Variants in ZNF248 observed in about 807,000 individuals in gnomAD.
ZNF248 encodes zinc finger protein 248.
ZNF248 carries 20 observed loss-of-function variants against 44.3 expected under a neutral mutation model. The ratio of observed to expected loss-of-function variants is 0.45; its 90% confidence interval spans 0.32 to 0.66. The LOEUF (loss-of-function observed/expected upper bound fraction) is 0.66, where lower values mean the gene tolerates loss of function less well. Among genes scored for constraint, ZNF248 ranks in the 30% least tolerant of loss-of-function variants. The pLI, the probability that ZNF248 is intolerant of heterozygous loss-of-function variation, is 0.04. For missense variants in ZNF248, 654 were observed against 677.0 expected, an observed-to-expected ratio of 0.97 and a Z score of 0.38; for synonymous variants, 224 against 229.0, an observed-to-expected ratio of 0.98 and a Z score of 0.20.
chr10:37,824,354 C>T (rs1259013745), downstream of ZNF248, among the ~76,000 whole-genome samples: 1 of 152,094 alleles, frequency 6.6e-6, no homozygotes, highest in South Asian at 2.1e-4. Context: ...TCATCCAATA[C>T]CCCCTCACAG....
chr10:37,805,387 G>C (rs982313730), intron 6 of ZNF248, among the ~76,000 whole-genome samples: 1 of 152,158 alleles, frequency 6.6e-6, no homozygotes, highest in African/African-American at 2.4e-5. Flanking sequence ...ATTTCAGATA[G>C]AGCAGAATTT....
intron 6 of ZNF248, among the ~76,000 whole-genome samples, chr10:37,790,667 A>G (rs1000821157): frequency 3.3e-5 from 5 of 151,888 alleles, no homozygotes; most frequent in Non-Finnish European, 7.4e-5. Flanking sequence ...CCGAGATGGC[A>G]TCACTGCACT....
rs1405992059 is a variant in ZNF248 at position 37,830,608 on chromosome 10, A to T, written c.*1007T>A. The T allele has an allele frequency of 1.0e-6, 1 of 985,110 alleles. No homozygotes were observed. The highest frequency in any genetic ancestry group is 1.7e-5 in the African/African-American group (1 of 57,238). 61.0% of individuals were successfully genotyped at this position (985,110 alleles called of 1,614,324 possible). A position where few individuals can be genotyped will look rare whatever the true frequency, so the allele number is the denominator to read the frequency against. On this transcript the variant is annotated 3_prime_UTR_variant, in exon 6 of 6. Transcript: ENST00000395867. ...TATTGCCAAATACGTTTTCATATAT[A>T]CACAGTGATGTGCTGTAAATATTTG... is the stretch of plus-strand genomic sequence containing the variant.
intron 6 of ZNF248, among the ~76,000 whole-genome samples, chr10:37,807,572 A>G (rs1201573475): frequency 6.6e-6 from 1 of 152,222 alleles, no homozygotes; most frequent in Non-Finnish European, 1.5e-5. Context: ...GAATGGATTT[A>G]CACATCTCCA....
At chr10:37,820,722 T>A in intron 6 of ZNF248, 4 of 1,327,976 alleles carry the variant, frequency 3.0e-6, no homozygotes, top group Non-Finnish European at 4.3e-6. Flanking sequence ...AAGGATCCCA[T>A]GCTGCACAAG....
At chr10:37,783,097 T>G (rs961428269) in intron 6 of ZNF248, among the ~76,000 whole-genome samples, 5 of 152,158 alleles carry the variant, frequency 3.3e-5, no homozygotes, top group African/African-American at 1.2e-4. Context: ...ATGGCACAAT[T>G]CCTATCTATG....
downstream of ZNF248, among the ~76,000 whole-genome samples, chr10:37,827,460 C>T (rs948596457): frequency 6.6e-6 from 1 of 152,148 alleles, no homozygotes; most frequent in Non-Finnish European, 1.5e-5. Context: ...TCTCACCTAC[C>T]AAAGTATCTG....
At chr10:37,770,982 A>C in the ZNF248 span, among the ~76,000 whole-genome samples, 1 of 152,248 alleles carries the variant, frequency 6.6e-6, no homozygotes. Context: ...AACACTTTTC[A>C]AAAGAAGACA....
At chr10:37,855,118 G>C (rs942534953) in intron 3 of ZNF248, among the ~76,000 whole-genome samples, 2 of 152,158 alleles carry the variant, frequency 1.3e-5, no homozygotes, top group Middle Eastern at 3.4e-3. Context: ...CTTTAAACTG[G>C]ATAAAGAAAC....
At chr10:37,853,006 T>C (rs1052184759) in intron 3 of ZNF248, among the ~76,000 whole-genome samples, 6 of 151,328 alleles carry the variant, frequency 4.0e-5, no homozygotes, top group East Asian at 2.0e-4. Flanking sequence ...GGACTACAGA[T>C]GTGCGCCACC....
At chr10:37,838,133 A>C (rs2057604573) in intron 3 of ZNF248, 22 bp from the exon 4 acceptor site, 2 of 1,601,118 alleles carry the variant, frequency 1.2e-6, no homozygotes, top group East Asian at 4.5e-5. Flanking sequence ...TACTCTTTTT[A>C]CATGAAATGG....
chr10:37,800,023 C>T (rs2049610316), intron 6 of ZNF248, among the ~76,000 whole-genome samples: 1 of 151,536 alleles, frequency 6.6e-6, no homozygotes. Flanking sequence ...ACCTGGGCAA[C>T]ATAATGAGAC....
downstream of ZNF248, chr10:37,828,699 C>G: frequency 1.0e-6 from 1 of 985,342 alleles, no homozygotes; most frequent in Non-Finnish European, 1.2e-6. Flanking sequence ...AGTCATAACA[C>G]ATATTTAAGT....
At chr10:37,853,380 T>G (rs2060663958) in intron 3 of ZNF248, among the ~76,000 whole-genome samples, 1 of 151,934 alleles carries the variant, frequency 6.6e-6, no homozygotes, top group Non-Finnish European at 1.5e-5. Context: ...TCGGAATGGT[T>G]TTTTGTTTTC....
intron 6 of ZNF248, among the ~76,000 whole-genome samples, chr10:37,823,509 G>A (rs1335039101): frequency 6.6e-6 from 1 of 151,970 alleles, no homozygotes; most frequent in African/African-American, 2.4e-5. Context: ...GAAATAATGA[G>A]GGGGGTCAAG....
chr10:37,837,072 A>C (rs1303286242), intron 5 of ZNF248, among the ~76,000 whole-genome samples: 1 of 151,406 alleles, frequency 6.6e-6, no homozygotes, highest in Non-Finnish European at 1.5e-5. Flanking sequence ...TATAAGTAAA[A>C]TACTTTAAAA....
intron 6 of ZNF248, among the ~76,000 whole-genome samples, chr10:37,807,432 T>C (rs931744198): frequency 1.3e-5 from 2 of 152,218 alleles, no homozygotes; most frequent in African/African-American, 4.8e-5. Flanking sequence ...ATAGAAGTTT[T>C]TGGATATATT....
rs766896093 is a variant in ZNF248, at chr10:37,832,727, A to C, written c.628T>G (p.Phe210Val). The stretch of plus-strand genomic sequence containing the variant: ...TTACTATACTCAAAAGATTGGCCAA[A>C]ACTTGGCTGACTGAGATCCTGGTGA... ...NYHQDLSQPS[F>V]GQSFEYSKNG... is the part of the protein sequence containing the mutation. The change falls in exon 6 of 6, where the codon TTT (phenylalanine) becomes GTT (valine). Residue 210 changes from phenylalanine (F) to valine (V), a missense_variant. Physicochemically the swap from Phe to Val is conservative, Grantham distance 50. Transcript: ENST00000395867. 1.8e-5 allele frequency: 29 copies of C among 1,613,674 alleles called. No individual in the cohort carries two copies. Among genetic ancestry groups the C allele is most frequent in the Non-Finnish European group, 2.5e-5 (29 of 1,179,864 alleles).
intron 3 of ZNF248, among the ~76,000 whole-genome samples, chr10:37,844,203 G>C (rs965778747): frequency 1.3e-5 from 2 of 152,114 alleles, no homozygotes; most frequent in African/African-American, 2.4e-5. Context: ...CATCTTTAAA[G>C]TGTTAAGAGG....
Sources: allele counts gnomAD v4.1 joint callset (sites outside exome capture counted in the v4.1 genomes callset), GRCh38; gene constraint gnomAD v4.1.1; transcripts MANE v1.5; gene names NCBI Gene and HGNC (gene_info 2026-07-23, HGNC 2026-07-21).